CSMD2: variants seen among roughly 807,000 people sequenced by gnomAD.
CSMD2 encodes the protein CUB and sushi domain-containing protein 2.
In CSMD2, 130 loss-of-function variants were observed where a neutral mutation model predicts 398.5. That is an observed-to-expected ratio of 0.33 (90% confidence interval 0.28 to 0.38). CSMD2 has a LOEUF of 0.38. Ranked by LOEUF, CSMD2 falls within the 10% of genes least tolerant of loss-of-function variation. The probability of loss-of-function intolerance (pLI) is 1.00; values close to 1 mark genes in which losing one functional copy is unlikely to be tolerated. For missense variants in CSMD2, 3,829 were observed against 4,764.9 expected, an observed-to-expected ratio of 0.80 and a Z score of 5.78; for synonymous variants, 1,828 against 1,908.5, an observed-to-expected ratio of 0.96 and a Z score of 1.10.
chr1:33,573,298 A>C (rs564749931), intron 49 of CSMD2, among the ~76,000 whole-genome samples: 1 of 152,354 alleles, frequency 6.6e-6, no homozygotes, highest in South Asian at 2.1e-4. Flanking sequence ...CCTTACTTTT[A>C]AAATACGATC....
At chr1:33,957,818 T>C (rs1320022378) in intron 3 of CSMD2, among the ~76,000 whole-genome samples, 1 of 152,174 alleles carries the variant, frequency 6.6e-6, no homozygotes, top group Non-Finnish European at 1.5e-5. Flanking sequence ...CTGGGTTCCC[T>C]GCAGTAGAGA....
chr1:33,974,357 G>A (rs909892329), intron 3 of CSMD2, among the ~76,000 whole-genome samples: 3 of 152,194 alleles, frequency 2.0e-5, no homozygotes. Context: ...CTCCCACTGC[G>A]TGCTCATTCT....
At chr1:33,853,029 A>G (rs556009143) in intron 5 of CSMD2, among the ~76,000 whole-genome samples, 1 of 152,370 alleles carries the variant, frequency 6.6e-6, no homozygotes, top group African/African-American at 2.4e-5. Context: ...TGGTTGGTAA[A>G]TAAAAATTTA....
chr1:33,867,504 CAT>C (rs1640128497), intron 5 of CSMD2, among the ~76,000 whole-genome samples: 3 of 152,176 alleles, frequency 2.0e-5, no homozygotes, highest in Admixed American at 1.3e-4. Context: ...ATGTTTAAAC[CAT>C]ATGAGTGTAT....
chr1:34,112,836 G>C (rs1470431560), intron 1 of CSMD2: 7 of 152,170 alleles, frequency 4.6e-5, no homozygotes, highest in African/African-American at 1.7e-4. Context: ...TTTTACTAGG[G>C]CCTCCTAAAA....
At chr1:33,819,045 G>T (rs1203061121) in intron 9 of CSMD2, among the ~76,000 whole-genome samples, 2 of 152,192 alleles carry the variant, frequency 1.3e-5, no homozygotes, top group African/African-American at 4.8e-5. Context: ...TCTCTCTGCT[G>T]GTTCCCTGGG....
intron 5 of CSMD2, chr1:33,864,729 G>A: frequency 1.9e-6 from 3 of 1,611,382 alleles, no homozygotes; most frequent in South Asian, 2.2e-5. Context: ...CCGGTGCAGA[G>A]GGAAAAGAGT....
In CSMD2 at chr1:33,580,738, G is replaced by GT. The variant is rs748303940; in HGVS notation, c.7387+14dup. The GT allele has an allele frequency of 2.4e-5, 39 of 1,613,960 alleles. No individual in the cohort carries two copies. The highest frequency in any genetic ancestry group is 2.5e-5 in the Non-Finnish European group (29 of 1,179,892). ...AGGAGAGGGCCTGTGGCTTATTTGT[G>GT]TTTTTTTCACTCACCTGAATAGCGG... On this transcript the variant is annotated intron_variant, in intron 48 of 70. Transcript: ENST00000373381.
At chr1:33,847,780 GA>G (rs756315493) in intron 5 of CSMD2, among the ~76,000 whole-genome samples, 27 of 152,116 alleles carry the variant, frequency 1.8e-4, no homozygotes, top group Admixed American at 7.2e-4. Context: ...GAAAACTACA[GA>G]AACCCTCTGA....
intron 2 of CSMD2, among the ~76,000 whole-genome samples, chr1:34,062,845 A>T (rs1654674125): frequency 6.6e-6 from 1 of 152,190 alleles, no homozygotes; most frequent in Admixed American, 6.5e-5. Flanking sequence ...GGGCAAGAGG[A>T]GTGTATTAGT....
chr1:33,742,555 T>G (rs1043141884), intron 14 of CSMD2, among the ~76,000 whole-genome samples: 2 of 151,018 alleles, frequency 1.3e-5, no homozygotes, highest in African/African-American at 4.9e-5. Context: ...GGTGGCTTGC[T>G]ATTTCTAGTC....
chr1:33,614,524 AT>A lies in CSMD2; in HGVS notation c.6112del (p.Ile2038Ter). 1 of 1,605,604 alleles carries A rather than the reference AT, an allele frequency of 6.2e-7. No individual in the cohort carries two copies. Among genetic ancestry groups the A allele is most frequent in the Non-Finnish European group, 8.5e-7 (1 of 1,173,440 alleles). On this transcript the variant is annotated frameshift_variant, in exon 40 of 71. Transcript: ENST00000373381. LOFTEE classifies it high-confidence loss of function. ...CTTACCAAAGCCCACGGGCAGTGCTATTTTCCAGGAGCAGTCCATGTTACTG... is the reference window on the plus strand; with the variant it reads ...CTTACCAAAGCCCACGGGCAGTGCTATTTCCAGGAGCAGTCCATGTTACTG... Reference protein sequence around the residue: ...YPSNMDCSWKIALPVGFGAHI... With the variant: ...YPSNMDCSWKXALPVGFGAHI...
At chr1:33,795,316 T>A (rs966528893) in intron 10 of CSMD2, among the ~76,000 whole-genome samples, 3 of 152,188 alleles carry the variant, frequency 2.0e-5, no homozygotes, top group African/African-American at 7.2e-5. Context: ...TCCAGAATGT[T>A]CCCTGTTGGC....
chr1:34,048,333 G>T (rs1028071943), intron 2 of CSMD2, among the ~76,000 whole-genome samples: 8 of 152,214 alleles, frequency 5.3e-5, no homozygotes, highest in Non-Finnish European at 1.0e-4. Context: ...AGCCCTTAAA[G>T]TTTGGACCAC....
At chr1:33,582,514 AG>A (rs1638795276) in intron 47 of CSMD2, among the ~76,000 whole-genome samples, 1 of 152,198 alleles carries the variant, frequency 6.6e-6, no homozygotes, top group Non-Finnish European at 1.5e-5. Context: ...CTATGAAAAA[AG>A]ACCCCGCACA....
At chr1:33,599,724 A>T (rs1188670593) in intron 44 of CSMD2, 1 of 159,240 alleles carries the variant, frequency 6.3e-6, no homozygotes, top group Non-Finnish European at 1.4e-5. Context: ...AACTGAGCAG[A>T]TGGAGAGGGC....
intron 1 of CSMD2, among the ~76,000 whole-genome samples, chr1:34,131,421 C>G (rs1444895566): frequency 6.6e-6 from 1 of 152,168 alleles, no homozygotes; most frequent in Non-Finnish European, 1.5e-5. Context: ...CACAGGCCAG[C>G]CTGCCTGGGG....
Position 33,559,052 on chromosome 1 carries a change from G to GT in CSMD2, c.8554+247dup, listed in dbSNP as rs1201434247. ...TGATACATTATTTGTTCAATGAAAG[G>GT]TAAAAAAGACGACTTGAAAGATAAA... On this transcript the variant is annotated intron_variant, in intron 54 of 70. Transcript: ENST00000373381. The surrounding 1 kb of genome is among the most constrained non-coding windows in gnomAD (Gnocchi z 4.0). 6.6e-6 allele frequency among the ~76,000 whole-genome samples: 1 copy of GT among 152,144 alleles called. No homozygotes were observed. Among genetic ancestry groups the GT allele is most frequent in the African/African-American group, 2.4e-5 (1 of 41,418 alleles).
chr1:33,533,749 TG>T lies in CSMD2; in HGVS notation c.9991+46del. The T allele has an allele frequency of 7.8e-7, 1 of 1,284,140 alleles. No homozygotes were observed. The highest frequency in any genetic ancestry group is 1.1e-6 in the Non-Finnish European group (1 of 880,852). 79.5% of individuals were successfully genotyped at this position (1,284,140 alleles called of 1,614,324 possible). On this transcript the variant is annotated intron_variant, in intron 63 of 70. Coordinates refer to ENST00000373381, the MANE Select transcript of CSMD2 (RefSeq NM_001281956.2). The surrounding 1 kb of genome is among the most constrained non-coding windows in gnomAD (Gnocchi z 4.2). ...TTCAAACATGACCCAGATGCCCAGC[TG>T]GGGCAAGAGGAATTTTCTTGGGATG...
Sources: gnomAD v4.1 joint callset for allele counts (sites outside exome capture counted in the v4.1 genomes callset) on GRCh38, gnomAD v4.1.1 for gene constraint, Gnocchi (gnomAD v3.1) non-coding constraint, MANE v1.5 for transcripts, NCBI Gene and HGNC (gene_info 2026-07-23, HGNC 2026-07-21) for gene names.